The following FBLN5 variants were observed in gnomAD, a reference collection of about 807,000 sequenced individuals.
FBLN5 encodes fibulin 5.
FBLN5 carries 24 observed loss-of-function variants against 61.6 expected under a neutral mutation model. That is an observed-to-expected ratio of 0.39 (90% CI 0.28 to 0.55). FBLN5 has a LOEUF of 0.55. Among genes scored for constraint, FBLN5 ranks in the 20% least tolerant of loss-of-function variants. The pLI is 0.65. For missense variants in FBLN5, 470 were observed against 594.1 expected (o/e 0.79, Z 2.17); for synonymous variants, 213 against 219.8 (o/e 0.97, Z 0.27).
chr14:91,923,498 G>C (rs2055775971), intron 4 of FBLN5, among the ~76,000 whole-genome samples: 1 of 152,238 alleles, frequency 6.6e-6, no homozygotes, highest in African/African-American at 2.4e-5. Context: ...TCAACATGCA[G>C]TGAACTTTCT....
intron 4 of FBLN5, among the ~76,000 whole-genome samples, chr14:91,928,135 C>A (rs542522061): frequency 4.8e-4 from 73 of 152,224 alleles, no homozygotes; most frequent in Admixed American, 5.9e-4. Flanking sequence ...TTGGTAGGGT[C>A]CCGGCAGGTG....
At chr14:91,937,721 A>T (rs2056042989) in intron 3 of FBLN5, among the ~76,000 whole-genome samples, 1 of 152,202 alleles carries the variant, frequency 6.6e-6, no homozygotes, top group Non-Finnish European at 1.5e-5. Context: ...CACCAGCAAG[A>T]AGGCCCTCAC....
At chr14:91,913,529 G>A (rs1374021198) in intron 4 of FBLN5, among the ~76,000 whole-genome samples, 6 of 152,200 alleles carry the variant, frequency 3.9e-5, no homozygotes, top group Admixed American at 1.3e-4. Context: ...GGAAAGGAGT[G>A]AGCAGCATAG....
intron 2 of FBLN5, chr14:91,942,163 G>T (rs2056115628): frequency 2.2e-6 from 1 of 455,878 alleles, no homozygotes; most frequent in Non-Finnish European, 4.4e-6. Context: ...GACACACAGG[G>T]GTCCATCTCT....
chr14:91,923,396 G>A (rs2055773686), intron 4 of FBLN5, among the ~76,000 whole-genome samples: 1 of 152,146 alleles, frequency 6.6e-6, no homozygotes, highest in African/African-American at 2.4e-5. Context: ...CTCTTATTCT[G>A]TGCCTGCCCT....
At position 91,883,664 on chromosome 14, in the gene FBLN5, A is replaced by AAAAAACAC. The variant is rs758858453; in HGVS notation, c.740-589_740-588insGTGTTTTT. Among the ~76,000 whole-genome samples, 36 of 148,458 alleles carry AAAAAACAC rather than the reference A, an allele frequency of 2.4e-4. 1 individual carries two copies. Among genetic ancestry groups the AAAAAACAC allele is most frequent in the African/African-American group, 8.3e-4 (33 of 39,726 alleles). ...ACTGTGTAAAAAAAAAAACAAAAAAAACACACACACACAAAAACAAAAACA... is the reference window on the plus strand; with the variant it reads ...ACTGTGTAAAAAAAAAAACAAAAAAAAAAAACACACACACACACACAAAAACAAAAACA... On this transcript the variant is annotated intron_variant, in intron 7 of 10. Coordinates refer to ENST00000342058, the MANE Select transcript of FBLN5 (RefSeq NM_006329.4).
intron 2 of FBLN5, chr14:91,942,163 G>A (rs2056115628): frequency 2.2e-6 from 1 of 455,996 alleles, no homozygotes; most frequent in South Asian, 1.5e-5. Flanking sequence ...GACACACAGG[G>A]GTCCATCTCT....
chr14:91,883,150 C>G (rs1889556288), intron 7 of FBLN5, 74 bp from the exon 8 acceptor site: 2 of 1,517,918 alleles, frequency 1.3e-6, no homozygotes, highest in Non-Finnish European at 1.8e-6. Flanking sequence ...GCCATCTACT[C>G]CAACTCTCAC....
chr14:91,915,457 G>A (rs374549317), intron 4 of FBLN5, among the ~76,000 whole-genome samples: 58 of 151,830 alleles, frequency 3.8e-4, no homozygotes, highest in East Asian at 1.9e-3. Context: ...AGGCCAAGGC[G>A]GGTGGATCAC....
intron 4 of FBLN5, among the ~76,000 whole-genome samples, chr14:91,908,034 C>T (rs1238814403): frequency 1.3e-5 from 2 of 152,164 alleles, no homozygotes; most frequent in Non-Finnish European, 2.9e-5. Context: ...TAAAGGGTTG[C>T]GTCAAGAGTC....
At chr14:91,922,595 G>A (rs1006224908) in intron 4 of FBLN5, among the ~76,000 whole-genome samples, 1 of 152,202 alleles carries the variant, frequency 6.6e-6, no homozygotes, top group African/African-American at 2.4e-5. Context: ...GCTCTCTGGA[G>A]AGAAATGAGA....
chr14:91,881,558 C>T, intron 8 of FBLN5, 140 bp from the exon 9 acceptor site: 1 of 899,512 alleles, frequency 1.1e-6, no homozygotes, highest in Non-Finnish European at 1.8e-6. Flanking sequence ...CTACTGAGTA[C>T]TTGGAATGTG....
At chr14:91,946,718 T>A in intron 1 of FBLN5, 1 of 1,535,584 alleles carries the variant, frequency 6.5e-7, no homozygotes, top group African/African-American at 1.4e-5. Context: ...TACATGTATC[T>A]CTGTCTGCAG....
chr14:91,872,918 G>T (rs1595289390), intron 10 of FBLN5, among the ~76,000 whole-genome samples: 2 of 152,338 alleles, frequency 1.3e-5, no homozygotes, highest in African/African-American at 4.8e-5. Context: ...TCCAGAGGGA[G>T]ATCTGCAGAG....
chr14:91,875,557 T>C (rs1366099306), intron 10 of FBLN5, among the ~76,000 whole-genome samples: 1 of 152,192 alleles, frequency 6.6e-6, no homozygotes, highest in Non-Finnish European at 1.5e-5. Flanking sequence ...AAAAGCACCC[T>C]GTGAGAGCAA....
chr14:91,935,294 G>A (rs1363538674), intron 4 of FBLN5, among the ~76,000 whole-genome samples: 4 of 152,212 alleles, frequency 2.6e-5, no homozygotes, highest in African/African-American at 7.2e-5. Context: ...GGAGAAAGCC[G>A]CAGCAGTTCC....
intron 9 of FBLN5, among the ~76,000 whole-genome samples, chr14:91,878,378 T>G (rs538839650): frequency 2.4e-4 from 37 of 152,162 alleles, no homozygotes; most frequent in Admixed American, 5.9e-4. Context: ...AATCACTGAC[T>G]TTTACTACCA....
At chr14:91,924,444 T>C (rs966847276) in intron 4 of FBLN5, among the ~76,000 whole-genome samples, 2 of 152,090 alleles carry the variant, frequency 1.3e-5, no homozygotes, top group Admixed American at 1.3e-4. Context: ...TCCCAACACT[T>C]TGGGAGGCAG....
chr14:91,890,650 T>C (rs534512825), intron 6 of FBLN5, among the ~76,000 whole-genome samples: 82 of 152,350 alleles, frequency 5.4e-4, no homozygotes, highest in Non-Finnish European at 1.0e-3. Flanking sequence ...AATGCCTTTG[T>C]TTCAGTCTGG....
Sources: gnomAD v4.1 joint callset for allele counts (sites outside exome capture counted in the v4.1 genomes callset) on GRCh38, gnomAD v4.1.1 for gene constraint, MANE v1.5 for transcripts, NCBI Gene and HGNC (gene_info 2026-07-23, HGNC 2026-07-21) for gene names.